Variants in ZC3H12B observed in about 807,000 individuals in gnomAD.
The protein encoded by ZC3H12B is zinc finger CCCH-type containing 12B.
Under a neutral mutation model 43.9 loss-of-function variants are expected in ZC3H12B, and 7 were observed. That is an observed-to-expected ratio of 0.16 (90% CI 0.09 to 0.30). The LOEUF is 0.30. ZC3H12B is among the 10% of genes least tolerant of loss of function. The probability of loss-of-function intolerance (pLI) is 1.00; values close to 1 mark genes in which losing one functional copy is unlikely to be tolerated. For synonymous variants in ZC3H12B, 222 were observed against 241.7 expected (o/e 0.92, Z 0.76); for missense variants, 475 against 670.2 (o/e 0.71, Z 3.22).
At chrX:65,248,956 T>A in the ZC3H12B span, among the ~76,000 whole-genome samples, 1 of 111,653 alleles carries the variant, frequency 9.0e-6, no homozygotes, top group Non-Finnish European at 1.9e-5. Context: ...ATTTGTTTGA[T>A]TTCATTGTAG....
At chrX:65,441,230 G>A (rs926944117) in intron 3 of ZC3H12B, among the ~76,000 whole-genome samples, 6 of 111,626 alleles carry the variant, frequency 5.4e-5, no homozygotes, top group African/African-American at 2.0e-4. Flanking sequence ...ATAGTCCCAG[G>A]TTGTCCATCA....
the ZC3H12B span, among the ~76,000 whole-genome samples, chrX:65,167,055 C>G: frequency 2.7e-5 from 3 of 111,857 alleles, no homozygotes; most frequent in Admixed American, 1.9e-4. Flanking sequence ...AATTAGATTG[C>G]ATTTGTCACT....
chrX:65,198,914 C>A, the ZC3H12B span, among the ~76,000 whole-genome samples: 4 of 111,342 alleles, frequency 3.6e-5, no homozygotes, highest in Non-Finnish European at 5.6e-5. Context: ...ACAAGATCAG[C>A]CATCCAGGTT....
chrX:65,059,164 C>T, the ZC3H12B span, among the ~76,000 whole-genome samples: 11 of 109,219 alleles, frequency 1.0e-4, no homozygotes, highest in Admixed American at 4.9e-4. Flanking sequence ...TCTTCTGCGT[C>T]GCTCACGCTG....
At chrX:65,042,371 G>A in the ZC3H12B span, among the ~76,000 whole-genome samples, 4 of 112,554 alleles carry the variant, frequency 3.6e-5, no homozygotes, top group African/African-American at 9.7e-5. Flanking sequence ...TGCAGAATAG[G>A]AATTAGTGAA....
chrX:65,268,249 A>C, the ZC3H12B span, among the ~76,000 whole-genome samples: 13 of 112,256 alleles, frequency 1.2e-4, no homozygotes, highest in Non-Finnish European at 7.5e-5. Flanking sequence ...TCAATAACGA[A>C]GAGACTGAAG....
the ZC3H12B span, among the ~76,000 whole-genome samples, chrX:65,263,496 T>C: frequency 9.0e-6 from 1 of 110,996 alleles, no homozygotes; most frequent in East Asian, 2.8e-4. Context: ...AATGGAACCA[T>C]GGTTACATGA....
At chrX:65,324,059 A>C in the ZC3H12B span, among the ~76,000 whole-genome samples, 9 of 111,185 alleles carry the variant, frequency 8.1e-5, no homozygotes, top group Non-Finnish European at 1.3e-4. Context: ...TTTTCTTGTA[A>C]ATTTGTTTAA....
chrX:65,415,557 T>C (rs908452277), intron 3 of ZC3H12B, among the ~76,000 whole-genome samples: 1 of 112,083 alleles, frequency 8.9e-6, no homozygotes, highest in Non-Finnish European at 1.9e-5. Context: ...TCTGTTTTAA[T>C]GTTAATGCTG....
the ZC3H12B span, among the ~76,000 whole-genome samples, chrX:65,062,517 A>G: frequency 5.4e-5 from 6 of 111,551 alleles, no homozygotes; most frequent in Non-Finnish European, 1.1e-4. Flanking sequence ...ACATTTGTCT[A>G]TATATATGTT....
the ZC3H12B span, among the ~76,000 whole-genome samples, chrX:65,192,206 G>A: frequency 9.1e-6 from 1 of 110,033 alleles, no homozygotes; most frequent in African/African-American, 3.3e-5. Context: ...TTGCTGAGGA[G>A]AGCTTTACTT....
intron 3 of ZC3H12B, among the ~76,000 whole-genome samples, chrX:65,451,392 A>G (rs1417488063): frequency 8.9e-6 from 1 of 112,068 alleles, no homozygotes; most frequent in Non-Finnish European, 1.9e-5. Flanking sequence ...ATTCTTTGTC[A>G]GATAATGCAT....
the ZC3H12B span, among the ~76,000 whole-genome samples, chrX:65,162,395 C>A: frequency 8.9e-6 from 1 of 112,227 alleles, no homozygotes; most frequent in East Asian, 2.8e-4. Flanking sequence ...CCATCACTTT[C>A]AGTTACACCA....
chrX:65,353,016 T>TTGTG, the ZC3H12B span, among the ~76,000 whole-genome samples: 129 of 105,123 alleles, frequency 1.2e-3, no homozygotes, highest in African/African-American at 3.9e-3. Context: ...CCCAGCTAAT[T>TTGTG]TGTGTGTGTG....
the ZC3H12B span, among the ~76,000 whole-genome samples, chrX:65,211,663 AAT>A: frequency 1.1e-5 from 1 of 92,434 alleles, no homozygotes; most frequent in Non-Finnish European, 2.1e-5. Flanking sequence ...ATATATACAT[AAT>A]ATATATTATA....
chrX:65,227,126 T>A, the ZC3H12B span, among the ~76,000 whole-genome samples: 2 of 111,427 alleles, frequency 1.8e-5, no homozygotes, highest in Non-Finnish European at 3.8e-5. Flanking sequence ...GACCACATAG[T>A]TGGAAGTAAA....
intron 2 of ZC3H12B, among the ~76,000 whole-genome samples, chrX:65,388,501 T>C (rs921948327): frequency 5.3e-5 from 6 of 112,196 alleles, no homozygotes; most frequent in Non-Finnish European, 9.4e-5. Context: ...TCATGTCCTT[T>C]AAGGACTTCT....
At chrX:65,167,125 T>G in the ZC3H12B span, among the ~76,000 whole-genome samples, 1 of 112,084 alleles carries the variant, frequency 8.9e-6, no homozygotes, top group Non-Finnish European at 1.9e-5. Context: ...CCCATGCCTA[T>G]GTCCTGAATG....
the ZC3H12B span, among the ~76,000 whole-genome samples, chrX:65,219,880 G>C: frequency 9.5e-6 from 1 of 105,657 alleles, no homozygotes; most frequent in Non-Finnish European, 1.9e-5. Context: ...TTTGCAAAAA[G>C]ATCATCACAT....
Sources: allele counts gnomAD v4.1 joint callset (sites outside exome capture counted in the v4.1 genomes callset), GRCh38; gene constraint gnomAD v4.1.1; transcripts MANE v1.5; gene names NCBI Gene and HGNC (gene_info 2026-07-23, HGNC 2026-07-21).